Variants in CACNA2D3 observed in about 807,000 individuals in gnomAD.
CACNA2D3 encodes the protein voltage-dependent calcium channel subunit alpha-2/delta-3.
In CACNA2D3, 60 loss-of-function variants were observed where a neutral mutation model predicts 160.6. The ratio of observed to expected loss-of-function variants is 0.37; its 90% CI spans 0.30 to 0.46. The LOEUF (loss-of-function observed/expected upper bound fraction) is 0.46, where lower values mean the gene tolerates loss of function less well. Among genes scored for constraint, CACNA2D3 ranks in the 20% least tolerant of loss-of-function variants. CACNA2D3 has a pLI of 1.00. For missense variants in CACNA2D3, 1,205 were observed against 1,365.0 expected, an observed-to-expected ratio of 0.88 and a Z score of 1.85; for synonymous variants, 558 against 492.9, an observed-to-expected ratio of 1.13 and a Z score of -1.75.
intron 2 of CACNA2D3, among the ~76,000 whole-genome samples, chr3:54,171,496 T>C (rs1291323837): frequency 1.3e-5 from 2 of 152,086 alleles, no homozygotes; most frequent in Non-Finnish European, 2.9e-5. Flanking sequence ...ATTCCAGATA[T>C]GAAATATTTT....
At chr3:54,315,220 G>T (rs1336642536) in intron 2 of CACNA2D3, among the ~76,000 whole-genome samples, 1 of 152,206 alleles carries the variant, frequency 6.6e-6, no homozygotes, top group South Asian at 2.1e-4. Flanking sequence ...CTCCAGAATG[G>T]GCTTGCTTTG....
At chr3:55,009,351 G>A (rs1316919984) in intron 33 of CACNA2D3, 37 bp from the exon 34 acceptor site, 4 of 1,589,886 alleles carry the variant, frequency 2.5e-6, no homozygotes, top group East Asian at 4.5e-5. Context: ...GGGCATGGAT[G>A]ACGAAGTAAC....
intron 11 of CACNA2D3, among the ~76,000 whole-genome samples, chr3:54,724,148 A>G (rs1412482077): frequency 6.6e-6 from 1 of 152,208 alleles, no homozygotes; most frequent in Non-Finnish European, 1.5e-5. Context: ...CTTTAAACCA[A>G]CAAAGATTGA....
At chr3:54,549,562 C>T (rs1702122108) in intron 5 of CACNA2D3, among the ~76,000 whole-genome samples, 1 of 152,200 alleles carries the variant, frequency 6.6e-6, no homozygotes, top group African/African-American at 2.4e-5. Flanking sequence ...TGTCTGGGCC[C>T]ACGGAAGCCG....
intron 2 of CACNA2D3, among the ~76,000 whole-genome samples, chr3:54,299,014 T>C (rs1169859619): frequency 6.7e-6 from 1 of 150,258 alleles, no homozygotes; most frequent in Non-Finnish European, 1.5e-5. Context: ...CTTTGAAATC[T>C]TCCATTTGGG....
intron 9 of CACNA2D3, among the ~76,000 whole-genome samples, chr3:54,602,719 A>G (rs1703086659): frequency 6.6e-6 from 1 of 152,190 alleles, no homozygotes; most frequent in Non-Finnish European, 1.5e-5. Flanking sequence ...GAGTACTGAC[A>G]TAATAAAAGA....
intron 4 of CACNA2D3, among the ~76,000 whole-genome samples, chr3:54,480,558 C>G (rs959675406): frequency 6.6e-6 from 1 of 152,024 alleles, no homozygotes; most frequent in African/African-American, 2.4e-5. Flanking sequence ...ATCATAAAAG[C>G]AGGGGTCACA....
rs756082606 is a variant in CACNA2D3, at chr3:54,838,563, G to A, written c.1471-5G>A. The A allele has an allele frequency of 2.1e-5, 33 of 1,609,484 alleles. No homozygotes were observed. Among genetic ancestry groups the A allele is most frequent in the African/African-American group, 1.2e-4 (9 of 74,816 alleles). ...TTATTATAATTCAATGTTTATTTTC[G>A]ACAGAGATCGAAGGGCATTCTTCTG... On this transcript the variant is annotated splice_polypyrimidine_tract_variant and splice_region_variant and intron_variant, in intron 15 of 37. Transcript: ENST00000474759.
chr3:54,832,656 G>A (rs1237331173), intron 14 of CACNA2D3, among the ~76,000 whole-genome samples: 2 of 152,172 alleles, frequency 1.3e-5, no homozygotes, highest in Non-Finnish European at 1.5e-5. Context: ...GTTCATGCTG[G>A]ACTTGGAAAA....
At chr3:54,144,759 G>A (rs931602219) in intron 2 of CACNA2D3, among the ~76,000 whole-genome samples, 2 of 152,252 alleles carry the variant, frequency 1.3e-5, no homozygotes, top group Non-Finnish European at 2.9e-5. Flanking sequence ...CACTTACGGA[G>A]TTATTATGAG....
At position 54,478,404 on chromosome 3, in the gene CACNA2D3, G is replaced by A. The variant is rs6783429; in HGVS notation, c.382-25088G>A. ...TTCCAGCAGTTTGAGAGGCCAAGGC[G>A]GGAAGATCATGAGGTCAGGAGATTG... is the stretch of plus-strand genomic sequence containing the variant. On this transcript the variant is annotated intron_variant, in intron 4 of 37. Coordinates refer to ENST00000474759, the MANE Select transcript of CACNA2D3 (RefSeq NM_018398.3). Among the ~76,000 whole-genome samples the A allele has an allele frequency of 6.0e-3, 913 of 151,846 alleles. 5 individuals carry two copies. Among genetic ancestry groups the A allele is most frequent in the African/African-American group, 0.021 (876 of 41,392 alleles).
At chr3:54,958,562 T>C (rs1701958337) in intron 27 of CACNA2D3, among the ~76,000 whole-genome samples, 1 of 152,172 alleles carries the variant, frequency 6.6e-6, no homozygotes, top group African/African-American at 2.4e-5. Flanking sequence ...CTGGTTGGGA[T>C]TGGGACGTCT....
chr3:54,978,634 CTAAATAAG>C (rs1225921593), intron 29 of CACNA2D3, among the ~76,000 whole-genome samples: 2 of 152,316 alleles, frequency 1.3e-5, no homozygotes, highest in South Asian at 2.1e-4. Flanking sequence ...CCCAAGTAAA[CTAAATAAG>C]GCGTTCCATG....
At chr3:54,160,731 G>A (rs1222836184) in intron 2 of CACNA2D3, among the ~76,000 whole-genome samples, 1 of 152,156 alleles carries the variant, frequency 6.6e-6, no homozygotes, top group Non-Finnish European at 1.5e-5. Context: ...GAGACTTCAC[G>A]TTGTTTCAAG....
intron 3 of CACNA2D3, among the ~76,000 whole-genome samples, chr3:54,331,978 A>T (rs1420006037): frequency 2.6e-5 from 4 of 152,234 alleles, no homozygotes; most frequent in Non-Finnish European, 5.9e-5. Flanking sequence ...TGTAGCATGG[A>T]CTGAGACAGT....
intron 35 of CACNA2D3, among the ~76,000 whole-genome samples, chr3:55,068,008 C>T (rs1206300156): frequency 2.7e-5 from 4 of 147,244 alleles, no homozygotes; most frequent in Non-Finnish European, 5.9e-5. Flanking sequence ...TTCTCCTCTT[C>T]TCTCTCCCAT....
intron 2 of CACNA2D3, among the ~76,000 whole-genome samples, chr3:54,306,515 G>A (rs1703605862): frequency 6.6e-6 from 1 of 152,212 alleles, no homozygotes; most frequent in Non-Finnish European, 1.5e-5. Flanking sequence ...TCACACTTGG[G>A]GTCTGTAGGG....
intron 3 of CACNA2D3, among the ~76,000 whole-genome samples, chr3:54,330,210 A>ATGTGTG (rs10591706): frequency 6.5e-4 from 96 of 146,706 alleles, no homozygotes; most frequent in African/African-American, 1.6e-3. Context: ...TTTAATTGAT[A>ATGTGTG]TGTGTGTGTG....
chr3:54,228,150 A>G (rs1701707902), intron 2 of CACNA2D3, among the ~76,000 whole-genome samples: 1 of 152,190 alleles, frequency 6.6e-6, no homozygotes, highest in Non-Finnish European at 1.5e-5. Flanking sequence ...GGACAGTAGA[A>G]TAGTGGACTT....
Sources: allele counts gnomAD v4.1 joint callset (sites outside exome capture counted in the v4.1 genomes callset), GRCh38; gene constraint gnomAD v4.1.1; transcripts MANE v1.5; gene names NCBI Gene and HGNC (gene_info 2026-07-23, HGNC 2026-07-21).